The following DOCK2 variants were observed in gnomAD, a reference collection of about 807,000 sequenced individuals.
DOCK2 encodes the protein dedicator of cytokinesis protein 2.
Under a neutral mutation model 248.9 loss-of-function variants are expected in DOCK2, and 87 were observed. The ratio of observed to expected loss-of-function variants is 0.35; its 90% CI spans 0.29 to 0.42. The LOEUF (loss-of-function observed/expected upper bound fraction) is 0.42. Ranked by LOEUF, DOCK2 falls within the 10% of genes least tolerant of loss-of-function variation. The pLI, the probability that DOCK2 is intolerant of heterozygous loss-of-function variation, is 1.00. For missense variants in DOCK2, 1,747 were observed against 2,300.2 expected, an observed-to-expected ratio of 0.76 and a Z score of 4.92; for synonymous variants, 805 against 821.6, an observed-to-expected ratio of 0.98 and a Z score of 0.35.
intron 26 of DOCK2, 96 bp from the exon 27 acceptor site, chr5:169,840,661 G>T: frequency 1.0e-6 from 1 of 1,004,982 alleles, no homozygotes; most frequent in South Asian, 1.4e-5. Context: ...TGGTGTTGAA[G>T]ATCACCATGT....
At chr5:169,742,569 G>T (rs1225506210) in intron 22 of DOCK2, among the ~76,000 whole-genome samples, 1 of 152,192 alleles carries the variant, frequency 6.6e-6, no homozygotes, top group East Asian at 1.9e-4. Flanking sequence ...GAGGGTCAGG[G>T]TGTTAGGAGG....
intron 26 of DOCK2, among the ~76,000 whole-genome samples, chr5:169,833,090 G>A (rs543731924): frequency 6.6e-6 from 1 of 152,142 alleles, no homozygotes; most frequent in East Asian, 1.9e-4. Flanking sequence ...ACACAACACT[G>A]GTCATATTAC....
intron 22 of DOCK2, among the ~76,000 whole-genome samples, chr5:169,726,769 G>A (rs150651282): frequency 1.3e-5 from 2 of 152,196 alleles, no homozygotes; most frequent in East Asian, 3.8e-4. Flanking sequence ...AATCACAGTT[G>A]CCTGGGATAA....
intron 25 of DOCK2, among the ~76,000 whole-genome samples, chr5:169,767,667 A>G (rs1466193137): frequency 6.6e-6 from 1 of 152,208 alleles, no homozygotes; most frequent in Non-Finnish European, 1.5e-5. Flanking sequence ...CCAGAGACCC[A>G]GCTGCTGCTT....
At chr5:169,758,056 A>G (rs1193223423) in intron 23 of DOCK2, among the ~76,000 whole-genome samples, 2 of 145,236 alleles carry the variant, frequency 1.4e-5, no homozygotes, top group Non-Finnish European at 2.9e-5. Context: ...ACAGATATAC[A>G]AACAGTATTT....
intron 25 of DOCK2, among the ~76,000 whole-genome samples, chr5:169,777,539 G>A (rs74953912): frequency 0.064 from 9,705 of 152,218 alleles, 483 homozygotes; most frequent in Admixed American, 0.16. Flanking sequence ...GCTAAAGAGT[G>A]GGAAATTATT....
At chr5:169,752,968 G>T (rs1026403011) in intron 23 of DOCK2, among the ~76,000 whole-genome samples, 1 of 152,138 alleles carries the variant, frequency 6.6e-6, no homozygotes, top group South Asian at 2.1e-4. Context: ...GGGAGGCTGA[G>T]GTAGGAGAAT....
intron 29 of DOCK2, among the ~76,000 whole-genome samples, chr5:169,988,138 T>C (rs1451076385): frequency 1.3e-5 from 2 of 152,196 alleles, no homozygotes; most frequent in African/African-American, 4.8e-5. Context: ...CCAGAAAAGA[T>C]TGCTTTTTTC....
intron 48 of DOCK2, among the ~76,000 whole-genome samples, chr5:170,078,271 G>A (rs185580144): frequency 2.0e-4 from 31 of 152,234 alleles, no homozygotes; most frequent in East Asian, 1.7e-3. Context: ...CCCCTCTGTC[G>A]GGGGTCTTCC....
intron 30 of DOCK2, 94 bp from the exon 31 acceptor site, chr5:170,008,403 T>C (rs2113809965): frequency 7.5e-7 from 1 of 1,325,124 alleles, no homozygotes; most frequent in South Asian, 1.2e-5. Flanking sequence ...GCCTCTGTCT[T>C]CTGCCATCTT....
chr5:169,782,849 A>G (rs1765786653), intron 25 of DOCK2, among the ~76,000 whole-genome samples: 1 of 152,272 alleles, frequency 6.6e-6, no homozygotes, highest in South Asian at 2.1e-4. Context: ...TGGCTCTCTG[A>G]CATATCAAAT....
intron 32 of DOCK2, among the ~76,000 whole-genome samples, chr5:170,014,119 G>C (rs1286291108): frequency 1.3e-5 from 2 of 152,180 alleles, no homozygotes; most frequent in Admixed American, 1.3e-4. Flanking sequence ...GATATTACAA[G>C]GGAGCAACCA....
intron 26 of DOCK2, among the ~76,000 whole-genome samples, chr5:169,837,350 A>G (rs1769649812): frequency 6.6e-6 from 1 of 152,184 alleles, no homozygotes; most frequent in African/African-American, 2.4e-5. Flanking sequence ...ACAGTGGGTG[A>G]TTTGTGGCTG....
intron 25 of DOCK2, among the ~76,000 whole-genome samples, chr5:169,780,667 T>TG (rs1224933903): frequency 6.6e-6 from 1 of 152,120 alleles, no homozygotes; most frequent in Non-Finnish European, 1.5e-5. Context: ...TAACTGGCAC[T>TG]GGGATAGGTG....
At chr5:169,770,171 T>A (rs1040430909) in intron 25 of DOCK2, among the ~76,000 whole-genome samples, 15 of 152,204 alleles carry the variant, frequency 9.9e-5, no homozygotes, top group African/African-American at 2.9e-4. Flanking sequence ...TCATTATTTT[T>A]AATAACAAAT....
intron 44 of DOCK2, among the ~76,000 whole-genome samples, chr5:170,063,222 T>C (rs761698192): frequency 2.3e-4 from 35 of 152,140 alleles, no homozygotes; most frequent in Admixed American, 5.9e-4. Context: ...CTTAAAAAAT[T>C]GCAACCCCCT....
chr5:169,752,633 G>A (rs1036745296), intron 23 of DOCK2, among the ~76,000 whole-genome samples: 1 of 151,904 alleles, frequency 6.6e-6, no homozygotes, highest in African/African-American at 2.4e-5. Context: ...GCCTAGTGGT[G>A]TATGCTTGTG....
At chr5:170,050,218 G>A in intron 40 of DOCK2, 38 bp from the exon 41 acceptor site, 1 of 1,607,282 alleles carries the variant, frequency 6.2e-7, no homozygotes, top group South Asian at 1.1e-5. Context: ...CTTCACACCT[G>A]GGTCCCCAAA....
At chr5:169,888,499 C>T (rs1477132970) in intron 27 of DOCK2, among the ~76,000 whole-genome samples, 1 of 152,214 alleles carries the variant, frequency 6.6e-6, no homozygotes, top group Non-Finnish European at 1.5e-5. Flanking sequence ...AAATGGTCCT[C>T]ATGGAATCAG....
Sources: allele counts gnomAD v4.1 joint callset (sites outside exome capture counted in the v4.1 genomes callset), GRCh38; gene constraint gnomAD v4.1.1; transcripts MANE v1.5; gene names NCBI Gene and HGNC (gene_info 2026-07-23, HGNC 2026-07-21).